Variants in RORA observed in about 807,000 individuals in gnomAD.
RORA encodes the protein RAR related orphan receptor A, also known as nuclear receptor ROR-alpha.
A neutral mutation model predicts 69.5 loss-of-function variants in RORA; 7 were observed. The ratio of observed to expected loss-of-function variants is 0.10; its 90% CI spans 0.06 to 0.19. RORA has a LOEUF of 0.19. Among genes scored for constraint, RORA ranks in the 10% least tolerant of loss-of-function variants. RORA has a pLI of 1.00. For synonymous variants in RORA, 261 were observed against 240.8 expected, an observed-to-expected ratio of 1.08 and a Z score of -0.78; for missense variants, 457 against 663.0, an observed-to-expected ratio of 0.69 and a Z score of 3.41.
intron 2 of RORA, among the ~76,000 whole-genome samples, chr15:60,572,563 C>G (rs2067913938): frequency 2.0e-5 from 3 of 152,070 alleles, no homozygotes; most frequent in South Asian, 2.1e-4. Flanking sequence ...AAAAACAAAT[C>G]TATACATAAT....
chr15:61,064,859 A>C (rs1228812498), intron 1 of RORA, among the ~76,000 whole-genome samples: 1 of 152,140 alleles, frequency 6.6e-6, no homozygotes, highest in Non-Finnish European at 1.5e-5. Context: ...ACATTCCCCA[A>C]GTTCCCCACT....
chr15:60,502,723 C>A (rs1567039741), intron 8 of RORA, 37 bp downstream of exon 8: 2 of 1,252,406 alleles, frequency 1.6e-6, no homozygotes, highest in East Asian at 2.3e-5. Flanking sequence ...TTCCTATAGC[C>A]CTGATTTGAA....
intron 1 of RORA, among the ~76,000 whole-genome samples, chr15:60,686,499 T>C (rs1466287573): frequency 6.6e-6 from 1 of 152,182 alleles, no homozygotes; most frequent in African/African-American, 2.4e-5. Context: ...ATCCATTCGA[T>C]ATTACCTGGT....
chr15:60,809,340 C>G (rs1050148104), intron 1 of RORA, among the ~76,000 whole-genome samples: 1 of 152,118 alleles, frequency 6.6e-6, no homozygotes, highest in African/African-American at 2.4e-5. Flanking sequence ...AATCCCAATT[C>G]TGTGTTTTTC....
chr15:61,168,878 C>T (rs1365994142), intron 1 of RORA, among the ~76,000 whole-genome samples: 1 of 152,162 alleles, frequency 6.6e-6, no homozygotes, highest in Non-Finnish European at 1.5e-5. Flanking sequence ...AAGTCTCTGA[C>T]AGCCTAAATG....
intron 6 of RORA, among the ~76,000 whole-genome samples, chr15:60,503,889 G>A (rs2141278087): frequency 6.6e-6 from 1 of 152,240 alleles, no homozygotes; most frequent in South Asian, 2.1e-4. Flanking sequence ...TGCAACCTCT[G>A]CCTCCTGGGT....
intron 1 of RORA, among the ~76,000 whole-genome samples, chr15:61,127,282 C>T (rs986867709): frequency 4.6e-5 from 7 of 152,126 alleles, no homozygotes; most frequent in African/African-American, 1.4e-4. Flanking sequence ...ATACTATTAC[C>T]AATTTGCTTT....
At chr15:60,596,321 C>T (rs1382617243) in intron 2 of RORA, among the ~76,000 whole-genome samples, 5 of 152,076 alleles carry the variant, frequency 3.3e-5, no homozygotes, top group East Asian at 1.9e-4. Flanking sequence ...CTCCAGTGTG[C>T]GTCTGCTTGC....
At chr15:60,661,465 T>G (rs989111423) in intron 2 of RORA, among the ~76,000 whole-genome samples, 2 of 152,214 alleles carry the variant, frequency 1.3e-5, no homozygotes, top group Admixed American at 1.3e-4. Context: ...TTGATGTCTA[T>G]GGGCAGTTTC....
At chr15:61,038,826 C>T (rs745708813) in intron 1 of RORA, 1 of 152,196 alleles carries the variant, frequency 6.6e-6, no homozygotes, top group African/African-American at 2.4e-5. Context: ...AAACAGAGCA[C>T]CAGAGAAGTT....
intron 1 of RORA, among the ~76,000 whole-genome samples, chr15:60,730,966 C>CG (rs2071422602): frequency 6.6e-6 from 1 of 151,496 alleles, no homozygotes; most frequent in African/African-American, 2.4e-5. Context: ...AAACATGTGT[C>CG]GGGGGGTTGT....
At chr15:60,760,408 G>A (rs2071869040) in intron 1 of RORA, among the ~76,000 whole-genome samples, 1 of 152,080 alleles carries the variant, frequency 6.6e-6, no homozygotes, top group Admixed American at 6.5e-5. Flanking sequence ...GAATTTAGCT[G>A]GTAAATCCCA....
rs1439339765 is a variant in RORA, at chr15:60,525,746, T to TA, written c.282+6019dup. ...GTGGGTGTATGTCTACCTTTCATTT[T>TA]ACGTCTGAGACTAAGAAAAGTAGAG... is the stretch of plus-strand genomic sequence containing the variant. On this transcript the variant is annotated intron_variant, in intron 3 of 10. Transcript: ENST00000335670. Among the ~76,000 whole-genome samples the TA allele has an allele frequency of 5.3e-5, 8 of 152,348 alleles. No homozygotes were observed. The South Asian group carries it at 1.7e-3, about 32-fold the overall frequency.
At chr15:61,042,592 G>A (rs114422508) in intron 1 of RORA, among the ~76,000 whole-genome samples, 4,726 of 152,244 alleles carry the variant, frequency 0.031, 253 homozygotes, top group African/African-American at 0.11. Flanking sequence ...AAGACTGTAC[G>A]TAATTGGTCA....
chr15:60,573,124 T>A (rs1016706860), intron 2 of RORA, among the ~76,000 whole-genome samples: 1 of 152,220 alleles, frequency 6.6e-6, no homozygotes, highest in South Asian at 2.1e-4. Flanking sequence ...GGGTTTCTAG[T>A]ATCAAAGACA....
chr15:60,838,843 A>AACACACACACACACACACACACACAC, intron 1 of RORA, among the ~76,000 whole-genome samples: 1 of 122,116 alleles, frequency 8.2e-6, no homozygotes, highest in African/African-American at 3.2e-5. Flanking sequence ...ACATTCATTC[A>AACACACACACACACACACACACACAC]ACACACACAC....
chr15:60,577,894 G>A (rs894990275), intron 2 of RORA, among the ~76,000 whole-genome samples: 1 of 152,140 alleles, frequency 6.6e-6, no homozygotes, highest in Non-Finnish European at 1.5e-5. Context: ...ATTAAAAGAA[G>A]ACAAGTAGAT....
In RORA at chr15:60,514,765, A is replaced by G. The variant is rs183824261; in HGVS notation, c.283-8T>C. The G allele has an allele frequency of 1.6e-3, 2,633 of 1,612,636 alleles. 4 individuals carry two copies. Among genetic ancestry groups the G allele is most frequent in the Non-Finnish European group, 2.1e-3 (2,457 of 1,178,740 alleles). ...ACTTCTCCTGAAAAAGCCCTGTGAT[A>G]TGGTTATAAAATATAAAACAGGTTA... On this transcript the variant is annotated splice_polypyrimidine_tract_variant and splice_region_variant and intron_variant, in intron 3 of 10. Coordinates refer to ENST00000335670, the MANE Select transcript of RORA (RefSeq NM_134261.3).
intron 1 of RORA, among the ~76,000 whole-genome samples, chr15:60,957,602 G>A (rs1893305206): frequency 2.6e-5 from 4 of 152,210 alleles, no homozygotes; most frequent in Admixed American, 2.6e-4. Flanking sequence ...GTCCCTGAGG[G>A]GGCTATAGTT....
Sources: allele counts gnomAD v4.1 joint callset (sites outside exome capture counted in the v4.1 genomes callset), GRCh38; gene constraint gnomAD v4.1.1; transcripts MANE v1.5; gene names NCBI Gene and HGNC (gene_info 2026-07-23, HGNC 2026-07-21).